The following RLIG1 variants were observed in gnomAD, a reference collection of about 807,000 sequenced individuals.
RLIG1 encodes the protein RNA 5'-phosphate and 3'-OH ligase 1, also known as RNA ligase 1.
the RLIG1 span, among the ~76,000 whole-genome samples, chr12:88,047,789 AAC>A: frequency 6.6e-6 from 1 of 152,144 alleles, no homozygotes; most frequent in African/African-American, 2.4e-5. Flanking sequence ...TGCCCCCGCA[AAC>A]ACACTCACAC....
chr12:88,048,322 A>G, the RLIG1 span: 1 of 1,607,088 alleles, frequency 6.2e-7, no homozygotes, highest in Admixed American at 1.7e-5. Context: ...AACCTGAACA[A>G]ATGTGACTCT....
chr12:88,049,606 G>A, the RLIG1 span: 1 of 462,064 alleles, frequency 2.2e-6, no homozygotes, highest in Non-Finnish European at 3.8e-6. Context: ...TAACTGTCAA[G>A]TCCAGTTATG....
At chr12:88,049,760 CT>C in the RLIG1 span, 16 of 167,036 alleles carry the variant, frequency 9.6e-5, no homozygotes, top group Non-Finnish European at 1.6e-4. Context: ...TGAAGTTAGT[CT>C]GGTTAAGAGT....
the RLIG1 span, chr12:88,045,479 C>T: frequency 1.2e-6 from 1 of 806,192 alleles, no homozygotes; most frequent in Non-Finnish European, 1.9e-6. Flanking sequence ...GCGATAGACA[C>T]CCAGAAAACA....
At chr12:88,049,375 C>T in the RLIG1 span, 1 of 1,546,580 alleles carries the variant, frequency 6.5e-7, no homozygotes, top group Non-Finnish European at 8.8e-7. Context: ...AATGAAGGAT[C>T]AAAATTTTCC....
chr12:88,046,068 GA>G, the RLIG1 span, among the ~76,000 whole-genome samples: 1 of 152,090 alleles, frequency 6.6e-6, no homozygotes, highest in Non-Finnish European at 1.5e-5. Flanking sequence ...AAATTCAGGT[GA>G]GTTGAGTCGA....
the RLIG1 span, chr12:88,046,667 T>C: frequency 1.4e-6 from 1 of 737,588 alleles, no homozygotes; most frequent in Non-Finnish European, 2.2e-6. Context: ...TGCACTGGGT[T>C]ATATTCTTTT....
At chr12:88,045,858 TACAC>T in the RLIG1 span, 2 of 1,093,176 alleles carry the variant, frequency 1.8e-6, no homozygotes, top group African/African-American at 1.6e-5. Context: ...TTAAAAAACA[TACAC>T]ACACTAAAGA....
At chr12:88,040,266 G>T in the RLIG1 span, 1 of 1,474,442 alleles carries the variant, frequency 6.8e-7, no homozygotes, top group Non-Finnish European at 9.3e-7. Flanking sequence ...ACCTATAAAG[G>T]TAAAATAAAA....
the RLIG1 span, chr12:88,043,796 A>T: frequency 1.0e-6 from 1 of 994,140 alleles, no homozygotes; most frequent in East Asian, 2.6e-5. Flanking sequence ...AAATTACAGA[A>T]TTTTAATCTG....
the RLIG1 span, chr12:88,045,772 C>T: frequency 1.2e-6 from 2 of 1,611,276 alleles, no homozygotes; most frequent in Admixed American, 1.7e-5. Flanking sequence ...TCAATGGAAA[C>T]CCATATGGTG....
At chr12:88,043,912 T>G in the RLIG1 span, 2 of 563,622 alleles carry the variant, frequency 3.5e-6, no homozygotes, top group Non-Finnish European at 6.1e-6. Context: ...TCCTCTTAGG[T>G]TTAGAATCTT....
the RLIG1 span, chr12:88,035,554 G>T: frequency 7.6e-7 from 1 of 1,318,286 alleles, no homozygotes; most frequent in Admixed American, 2.0e-5. Context: ...TGCGTGGCCT[G>T]AGCCGTGCGG....
the RLIG1 span, chr12:88,049,230 T>G: frequency 1.4e-5 from 22 of 1,604,206 alleles, no homozygotes; most frequent in Non-Finnish European, 1.8e-5. Context: ...ATCTTCAAAC[T>G]CTTCAGAAGC....
chr12:88,038,571 C>T, the RLIG1 span, among the ~76,000 whole-genome samples: 3 of 152,142 alleles, frequency 2.0e-5, no homozygotes, highest in African/African-American at 7.2e-5. Context: ...TAAACCATAG[C>T]TGATACAGCT....
the RLIG1 span, chr12:88,035,875 G>C: frequency 6.6e-7 from 1 of 1,507,282 alleles, no homozygotes; most frequent in East Asian, 2.5e-5. Context: ...GGTTTCCCTG[G>C]GGAGGTCTGG....
the RLIG1 span, among the ~76,000 whole-genome samples, chr12:88,046,449 A>G: frequency 6.6e-6 from 1 of 152,184 alleles, no homozygotes; most frequent in Non-Finnish European, 1.5e-5. Context: ...TTTTCTGCCA[A>G]ATGCCAGAGT....
the RLIG1 span, chr12:88,047,095 T>C: frequency 9.5e-7 from 1 of 1,049,744 alleles, no homozygotes; most frequent in Non-Finnish European, 1.4e-6. Flanking sequence ...TAAAGAAATT[T>C]AATTTTCTCA....
At chr12:88,048,517 AAT>A in the RLIG1 span, 2 of 739,576 alleles carry the variant, frequency 2.7e-6, no homozygotes, top group Non-Finnish European at 3.9e-6. Flanking sequence ...ATGAAACATC[AAT>A]ATGTTTTCTA....
Sources: gnomAD v4.1 joint callset for allele counts (sites outside exome capture counted in the v4.1 genomes callset) on GRCh38, gnomAD v4.1.1 for gene constraint, MANE v1.5 for transcripts, NCBI Gene and HGNC (gene_info 2026-07-23, HGNC 2026-07-21) for gene names.